The following RAB38 variants were observed in gnomAD, a reference collection of about 807,000 sequenced individuals.
RAB38 encodes the protein RAB38, member RAS oncogene family.
RAB38 carries 15 observed loss-of-function variants against 18.4 expected under a neutral mutation model. The ratio of observed to expected loss-of-function variants is 0.82; its 90% CI spans 0.55 to 1.26. The LOEUF is 1.26. Among genes scored for constraint, RAB38 ranks in the 50% most tolerant of loss-of-function variants. The pLI is 0.00. For missense variants in RAB38, 294 were observed against 267.4 expected (o/e 1.10, Z -0.69); for synonymous variants, 101 against 104.4 (o/e 0.97, Z 0.20).
the RAB38 span, among the ~76,000 whole-genome samples, chr11:87,892,781 T>A: frequency 6.6e-5 from 10 of 151,870 alleles, no homozygotes; most frequent in Non-Finnish European, 1.0e-4. Flanking sequence ...AAGAAAGTCT[T>A]GTGTATTCTC....
At chr11:88,109,897 G>C (rs1266413060), downstream of RAB38, among the ~76,000 whole-genome samples, 1 of 152,192 alleles carries the variant, frequency 6.6e-6, no homozygotes, top group Non-Finnish European at 1.5e-5. Flanking sequence ...TGGAGAAATA[G>C]GAACACTTTT....
the RAB38 span, among the ~76,000 whole-genome samples, chr11:87,851,622 G>C: frequency 1.3e-5 from 2 of 152,168 alleles, no homozygotes. Context: ...AAGAAAAACA[G>C]ATAGTATATA....
chr11:87,906,432 A>G, the RAB38 span, among the ~76,000 whole-genome samples: 89 of 152,016 alleles, frequency 5.9e-4, 1 homozygote, highest in Admixed American at 8.5e-4. Context: ...TAAAATGGAG[A>G]TAGAAATACT....
the RAB38 span, among the ~76,000 whole-genome samples, chr11:88,064,652 T>C: frequency 1.3e-5 from 2 of 152,234 alleles, no homozygotes; most frequent in African/African-American, 4.8e-5. Flanking sequence ...TAGATTTATG[T>C]TTTGGATAAA....
the RAB38 span, among the ~76,000 whole-genome samples, chr11:87,969,236 T>C: frequency 1.1e-4 from 16 of 152,124 alleles, no homozygotes; most frequent in African/African-American, 3.9e-4. Context: ...TAGAAGATCC[T>C]CATCTTACAC....
chr11:88,133,623 T>C (rs537101689), intron 2 of RAB38, among the ~76,000 whole-genome samples: 23 of 152,314 alleles, frequency 1.5e-4, no homozygotes, highest in African/African-American at 5.3e-4. Flanking sequence ...AATTATTTAA[T>C]AACCTTATTT....
the RAB38 span, among the ~76,000 whole-genome samples, chr11:87,938,239 G>C: frequency 4.6e-5 from 7 of 152,068 alleles, no homozygotes; most frequent in African/African-American, 9.7e-5. Flanking sequence ...ACACTATGGT[G>C]GGGGTGGACT....
At chr11:87,842,630 C>T in the RAB38 span, among the ~76,000 whole-genome samples, 26 of 152,234 alleles carry the variant, frequency 1.7e-4, no homozygotes, top group South Asian at 8.3e-4. Flanking sequence ...TTAATCACCG[C>T]TTAACAAAAA....
At chr11:87,944,368 T>G in the RAB38 span, among the ~76,000 whole-genome samples, 1 of 152,102 alleles carries the variant, frequency 6.6e-6, no homozygotes, top group African/African-American at 2.4e-5. Context: ...GCAAATTCTG[T>G]GAGATTTACA....
the RAB38 span, among the ~76,000 whole-genome samples, chr11:87,904,752 T>C: frequency 6.6e-6 from 1 of 151,784 alleles, no homozygotes; most frequent in Non-Finnish European, 1.5e-5. Flanking sequence ...TGTTGTTTTT[T>C]TGACTTTTTA....
chr11:87,855,871 C>T, the RAB38 span, among the ~76,000 whole-genome samples: 29 of 151,426 alleles, frequency 1.9e-4, no homozygotes, highest in African/African-American at 6.7e-4. Context: ...TTTTAAAAAG[C>T]TCTCTCTTTG....
chr11:87,901,367 T>C, the RAB38 span, among the ~76,000 whole-genome samples: 6 of 151,614 alleles, frequency 4.0e-5, no homozygotes, highest in Non-Finnish European at 7.4e-5. Context: ...ACTGACTCCA[T>C]AAAAAATCAC....
intron 1 of RAB38, among the ~76,000 whole-genome samples, chr11:88,174,620 C>CCAAAAAAA (rs1943354511): frequency 9.9e-6 from 1 of 101,130 alleles, no homozygotes; most frequent in South Asian, 3.6e-4. Context: ...AAGCAAAAAG[C>CCAAAAAAA]AAAAAAAAAA....
the RAB38 span, among the ~76,000 whole-genome samples, chr11:87,932,398 G>T: frequency 5.4e-4 from 82 of 152,180 alleles, no homozygotes; most frequent in East Asian, 0.015. Context: ...GAACATGGCA[G>T]AAAGGCATCA....
At chr11:87,913,941 TA>T in the RAB38 span, among the ~76,000 whole-genome samples, 1 of 151,982 alleles carries the variant, frequency 6.6e-6, no homozygotes, top group African/African-American at 2.4e-5. Context: ...CTGTAAGAAA[TA>T]TTTTTTTTTT....
At chr11:88,121,930 A>T (rs1220235918) in intron 2 of RAB38, among the ~76,000 whole-genome samples, 1 of 152,208 alleles carries the variant, frequency 6.6e-6, no homozygotes, top group Non-Finnish European at 1.5e-5. Flanking sequence ...CATGTTTTCT[A>T]AGTTTTTGGC....
chr11:88,155,402 T>C (rs1030030238), intron 1 of RAB38, among the ~76,000 whole-genome samples: 2 of 149,196 alleles, frequency 1.3e-5, no homozygotes, highest in East Asian at 3.9e-4. Context: ...CACAGCCCAA[T>C]AAAAAACCTG....
chr11:87,976,808 TTA>T, the RAB38 span, among the ~76,000 whole-genome samples: 1 of 118,524 alleles, frequency 8.4e-6, no homozygotes, highest in Non-Finnish European at 1.6e-5. Flanking sequence ...TTATAATATA[TTA>T]TATATTATAC....
At chr11:88,126,129 T>C (rs1193978242) in intron 2 of RAB38, among the ~76,000 whole-genome samples, 2 of 152,222 alleles carry the variant, frequency 1.3e-5, no homozygotes, top group East Asian at 1.9e-4. Context: ...CCTTGTAGCA[T>C]AGTTTGAAGT....
Sources: gnomAD v4.1 joint callset for allele counts (sites outside exome capture counted in the v4.1 genomes callset) on GRCh38, gnomAD v4.1.1 for gene constraint, MANE v1.5 for transcripts, NCBI Gene and HGNC (gene_info 2026-07-23, HGNC 2026-07-21) for gene names.